Variants in FAM193A observed in about 807,000 individuals in gnomAD.
FAM193A encodes the protein family with sequence similarity 193 member A.
A neutral mutation model predicts 126.5 loss-of-function variants in FAM193A; 22 were observed. The observed-to-expected ratio is 0.17, with a 90% CI of 0.12 to 0.25. FAM193A has a LOEUF of 0.25. Among genes scored for constraint, FAM193A ranks in the 10% least tolerant of loss-of-function variants. The pLI is 1.00. For missense variants in FAM193A, 1,675 were observed against 1,672.8 expected (o/e 1.00, Z -0.02); for synonymous variants, 761 against 646.8 (o/e 1.18, Z -2.68).
At chr4:2,666,147 T>A (rs941716239) in intron 12 of FAM193A, among the ~76,000 whole-genome samples, 1 of 152,244 alleles carries the variant, frequency 6.6e-6, no homozygotes, top group Non-Finnish European at 1.5e-5. Flanking sequence ...ATGCCCTTTA[T>A]TGGGTTAAGG....
At chr4:2,677,741 CAAA>C (rs36047465) in intron 13 of FAM193A, among the ~76,000 whole-genome samples, 7 of 89,412 alleles carry the variant, frequency 7.8e-5, no homozygotes, top group Admixed American at 1.3e-4. Context: ...AACACTGTCT[CAAA>C]AAAAAAAAAA....
At chr4:2,685,475 C>T (rs541409097) in intron 13 of FAM193A, among the ~76,000 whole-genome samples, 3 of 152,166 alleles carry the variant, frequency 2.0e-5, no homozygotes, top group Non-Finnish European at 2.9e-5. Flanking sequence ...GATCTTCGAC[C>T]TGCATGTTCT....
intron 2 of FAM193A, among the ~76,000 whole-genome samples, chr4:2,604,465 TC>T (rs1305426195): frequency 2.0e-5 from 3 of 152,172 alleles, no homozygotes; most frequent in Non-Finnish European, 4.4e-5. Context: ...TTTCCTGTCT[TC>T]CTTAAAAAGT....
At chr4:2,728,389 C>T (rs1177812235) in intron 20 of FAM193A, among the ~76,000 whole-genome samples, 2 of 151,912 alleles carry the variant, frequency 1.3e-5, no homozygotes, top group African/African-American at 2.4e-5. Context: ...GGTTTACCTT[C>T]CCTCATTTTT....
At chr4:2,682,624 G>A (rs926174252) in intron 13 of FAM193A, among the ~76,000 whole-genome samples, 9 of 151,950 alleles carry the variant, frequency 5.9e-5, no homozygotes, top group African/African-American at 1.5e-4. Context: ...TTAATTAAGC[G>A]TTTTATGGTT....
Position 2,570,820 on chromosome 4 carries a change from G to A in FAM193A, c.256-25264G>A, listed in dbSNP as rs1013677013. Among the ~76,000 whole-genome samples, 5 of 152,124 alleles carry A rather than the reference G, an allele frequency of 3.3e-5. No individual in the cohort carries two copies. In the East Asian group the frequency reaches 5.8e-4, roughly 18 times the overall value. ...GAGCTTTTGTGATTTAGGAGAATGCGTATTTACTGCAAGTCTCACTCACAG... is the reference window on the plus strand; with the variant it reads ...GAGCTTTTGTGATTTAGGAGAATGCATATTTACTGCAAGTCTCACTCACAG... On this transcript the variant is annotated intron_variant, in intron 1 of 20. Coordinates refer to ENST00000637812, the MANE Select transcript of FAM193A (RefSeq NM_001366318.2).
chr4:2,573,983 A>G (rs1739439699), intron 1 of FAM193A, among the ~76,000 whole-genome samples: 1 of 152,240 alleles, frequency 6.6e-6, no homozygotes, highest in Non-Finnish European at 1.5e-5. Context: ...CTGGAGCAGA[A>G]TGAGTCAGAG....
chr4:2,690,843 T>C lies in FAM193A; in HGVS notation c.2676T>C (p.Ala892=), dbSNP rs778083072. 1 of 1,614,086 alleles carries C rather than the reference T, an allele frequency of 6.2e-7. No homozygotes were observed. The highest frequency in any genetic ancestry group is 8.5e-7 in the Non-Finnish European group (1 of 1,180,048). ...KKKCLYNFQD[A]FMEANKVVMA... is the part of the protein sequence containing the mutation. ...AATGTTTATACAATTTCCAAGATGCTTTCATGGAAGCAAATAAAGTTGTCA... is the reference window on the plus strand; with the variant it reads ...AATGTTTATACAATTTCCAAGATGCCTTCATGGAAGCAAATAAAGTTGTCA... Residue 892 remains alanine, a synonymous_variant, in exon 15 of 21, where the codon GCT becomes GCC. Transcript: ENST00000637812.
chr4:2,586,108 TG>T (rs1264848611), intron 1 of FAM193A, among the ~76,000 whole-genome samples: 1 of 151,788 alleles, frequency 6.6e-6, no homozygotes, highest in Non-Finnish European at 1.5e-5. Flanking sequence ...CCAGGCGTGG[TG>T]GTGCATGCCA....
chr4:2,628,735 G>T (rs959377913), intron 4 of FAM193A, among the ~76,000 whole-genome samples: 20 of 152,176 alleles, frequency 1.3e-4, no homozygotes, highest in African/African-American at 4.8e-4. Flanking sequence ...TATTAACATT[G>T]CAACTTCAGT....
At chr4:2,698,833 G>A (rs1371829397) in intron 18 of FAM193A, among the ~76,000 whole-genome samples, 1 of 152,160 alleles carries the variant, frequency 6.6e-6, no homozygotes, top group African/African-American at 2.4e-5. Context: ...TTTCCATCAA[G>A]TTGGACAGTG....
intron 20 of FAM193A, among the ~76,000 whole-genome samples, chr4:2,717,903 C>G (rs752139303): frequency 9.9e-5 from 15 of 152,074 alleles, no homozygotes; most frequent in South Asian, 2.1e-4. Flanking sequence ...ATCCACCCCC[C>G]CTTGGCCTCC....
intron 2 of FAM193A, among the ~76,000 whole-genome samples, chr4:2,617,254 ATATATATATT>A (rs1742255518): frequency 2.5e-5 from 1 of 40,096 alleles, no homozygotes; most frequent in African/African-American, 2.4e-4. Flanking sequence ...ATATATATAT[ATATATATATT>A]TTTTTTTTTT....
intron 16 of FAM193A, among the ~76,000 whole-genome samples, chr4:2,694,622 T>TTCG: frequency 6.6e-6 from 1 of 152,306 alleles, no homozygotes; most frequent in East Asian, 1.9e-4. Flanking sequence ...TTTGAAGCTA[T>TTCG]ACCCCTTTTC....
At chr4:2,707,127 AC>A in intron 19 of FAM193A, among the ~76,000 whole-genome samples, 1 of 152,038 alleles carries the variant, frequency 6.6e-6, no homozygotes, top group East Asian at 1.9e-4. Flanking sequence ...GTCTCCCCCC[AC>A]AAAAAAAAAA....
chr4:2,595,898 T>C (rs1577053887), intron 1 of FAM193A, among the ~76,000 whole-genome samples, 186 bp from the exon 2 acceptor site: 2 of 152,238 alleles, frequency 1.3e-5, no homozygotes, highest in East Asian at 3.8e-4. Flanking sequence ...ATTTTCTTTA[T>C]GGCACTATTT....
chr4:2,639,031 A>G (rs1744356907), intron 5 of FAM193A, among the ~76,000 whole-genome samples: 1 of 152,180 alleles, frequency 6.6e-6, no homozygotes, highest in African/African-American at 2.4e-5. Flanking sequence ...GGAAGCATGG[A>G]TTCACACACG....
At position 2,604,791 on chromosome 4, in the gene FAM193A, CTTTTTTTTTTTT is replaced by C. The variant is rs869148370; in HGVS notation, c.501+8474_501+8485del. Among the ~76,000 whole-genome samples, 5 of 99,640 alleles carry C rather than the reference CTTTTTTTTTTTT, an allele frequency of 5.0e-5. No individual in the cohort carries two copies. In the South Asian group the frequency reaches 9.4e-4, roughly 19 times the overall value. The allele number at this position is 99,640 out of a possible 152,430, so 65.4% of individuals were successfully genotyped here. ...CTGCTTTTTTTCTTTTTTCTTTTTC[CTTTTTTTTTTTT>C]TTTTTTTTTTTGGTGGCAAGGCCTC... is the stretch of plus-strand genomic sequence containing the variant. On this transcript the variant is annotated intron_variant, in intron 2 of 20. Coordinates refer to ENST00000637812, the MANE Select transcript of FAM193A (RefSeq NM_001366318.2).
At chr4:2,672,424 A>C (rs758438333) in intron 13 of FAM193A, 52 bp downstream of exon 13, 1 of 1,592,958 alleles carries the variant, frequency 6.3e-7, no homozygotes, top group Admixed American at 1.7e-5. Flanking sequence ...GAGATCCTAC[A>C]GGAGTACATA....
Sources: gnomAD v4.1 joint callset for allele counts (sites outside exome capture counted in the v4.1 genomes callset) on GRCh38, gnomAD v4.1.1 for gene constraint, MANE v1.5 for transcripts, NCBI Gene and HGNC (gene_info 2026-07-23, HGNC 2026-07-21) for gene names.